ZDHHC20: variants seen among roughly 807,000 people sequenced by gnomAD.
ZDHHC20 encodes palmitoyltransferase ZDHHC20.
Under a neutral mutation model 57.8 loss-of-function variants are expected in ZDHHC20, and 43 were observed. That is an observed-to-expected ratio of 0.74 (90% CI 0.58 to 0.96). ZDHHC20 has a LOEUF of 0.96. ZDHHC20 is among the 40% of genes least tolerant of loss of function. ZDHHC20 has a pLI of 0.00. For missense variants in ZDHHC20, 391 were observed against 441.1 expected, an observed-to-expected ratio of 0.89 and a Z score of 1.02; for synonymous variants, 157 against 153.0, an observed-to-expected ratio of 1.03 and a Z score of -0.19.
rs148550166 is a variant in ZDHHC20 at position 21,423,535 on chromosome 13, G to A, written c.145+2117C>T. On this transcript the variant is annotated intron_variant, in intron 2 of 12. Transcript: ENST00000400590. ...TACCAATACAAAAAATTAGCTGGGC[G>A]TAGTGGTGCACACTTGTAATCTCAG... 8.8e-3 allele frequency among the ~76,000 whole-genome samples: 1,338 copies of A among 152,112 alleles called. 12 individuals are homozygous for A. The highest frequency in any genetic ancestry group is 0.024 in the African/African-American group (997 of 41,500).
At chr13:21,414,527 A>ATTTTTTTTTTTTTTTTTTTTTTTTTT (rs747307477) in intron 3 of ZDHHC20, among the ~76,000 whole-genome samples, 53 of 107,508 alleles carry the variant, frequency 4.9e-4, no homozygotes, top group Middle Eastern at 6.2e-3. Flanking sequence ...TGCCCGGATA[A>ATTTTTTTTTTTTTTTTTTTTTTTTTT]TTTTTTTTTT....
intron 1 of ZDHHC20, among the ~76,000 whole-genome samples, chr13:21,443,766 T>C (rs1883412350): frequency 6.6e-6 from 1 of 152,248 alleles, no homozygotes; most frequent in Non-Finnish European, 1.5e-5. Flanking sequence ...CCTGGGGTCC[T>C]TCAATATTGT....
chr13:21,435,470 CACAGAAACAAG>C (rs1345445477), intron 1 of ZDHHC20, among the ~76,000 whole-genome samples: 1 of 152,052 alleles, frequency 6.6e-6, no homozygotes, highest in Admixed American at 6.6e-5. Flanking sequence ...CATCAAAGCA[CACAGAAACAAG>C]ATGGAAACTG....
chr13:21,400,370 T>G lies in ZDHHC20; in HGVS notation c.594+3A>C, dbSNP rs773317034. On this transcript the variant is annotated splice_donor_region_variant and intron_variant, in intron 7 of 12. Transcript: ENST00000400590. The stretch of plus-strand genomic sequence containing the variant: ...ATGTTTCAAGATAGAAAAAAAGACT[T>G]ACCGTCCAAAATTTTATAAAGTACT... 6.3e-7 allele frequency: 1 copy of G among 1,579,312 alleles called. No individual in the cohort carries two copies. Among genetic ancestry groups the G allele is most frequent in the Non-Finnish European group, 8.5e-7 (1 of 1,170,778 alleles).
chr13:21,445,595 G>A (rs921894767), intron 1 of ZDHHC20, among the ~76,000 whole-genome samples: 2 of 152,080 alleles, frequency 1.3e-5, no homozygotes, highest in Non-Finnish European at 2.9e-5. Context: ...CAATAATACC[G>A]ATTATCAATA....
chr13:21,432,443 C>A (rs1043528327), intron 1 of ZDHHC20, among the ~76,000 whole-genome samples: 5 of 152,224 alleles, frequency 3.3e-5, no homozygotes, highest in African/African-American at 1.2e-4. Context: ...CATTCTCCTG[C>A]CTCAGCCTCC....
At chr13:21,413,862 C>T (rs1408972331) in intron 3 of ZDHHC20, 90 bp from the exon 4 acceptor site, 2 of 1,110,508 alleles carry the variant, frequency 1.8e-6, no homozygotes, top group East Asian at 2.6e-5. Context: ...AAAAAGAAAA[C>T]CAAAAACTAT....
At chr13:21,392,595 G>A (rs926623921) in intron 7 of ZDHHC20, among the ~76,000 whole-genome samples, 32 of 152,120 alleles carry the variant, frequency 2.1e-4, no homozygotes, top group African/African-American at 6.0e-4. Context: ...CCCTTCTTAT[G>A]GCTATATACA....
At position 21,391,812 on chromosome 13, in the gene ZDHHC20, G is replaced by C. The variant is rs764299110; in HGVS notation, c.637C>G (p.Leu213Val). ...DTRAKFHVLF[L>V]FFVSAMFFIS... is the part of the protein sequence containing the mutation. ...AAGAACATTGCAGACACAAAGAAAA[G>C]AAAAAGTACGTGGAATTTTGCACGT... Residue 213 changes from leucine (L) to valine (V), a missense_variant, in exon 8 of 13, where the codon CTT becomes GTT. Leu to Val is a conservative substitution (Grantham distance 32). This residue lies in a region of ZDHHC20 where 197 missense variants were observed against 220.8 expected (regional missense o/e 0.89). Coordinates refer to ENST00000400590, the MANE Select transcript of ZDHHC20 (RefSeq NM_001330059.2). 3.7e-6 allele frequency: 6 copies of C among 1,612,930 alleles called. No individual in the cohort carries two copies. Among genetic ancestry groups the C allele is most frequent in the Non-Finnish European group, 5.1e-6 (6 of 1,179,556 alleles).
chr13:21,382,933 C>T lies in ZDHHC20; in HGVS notation c.931G>A (p.Glu311Lys), dbSNP rs866768875. The change falls in exon 10 of 13, where the codon GAG becomes AAG. Residue 311 changes from glutamate to lysine, a missense_variant. Glu to Lys is a moderately conservative substitution (Grantham distance 56). Coordinates refer to ENST00000400590, the MANE Select transcript of ZDHHC20 (RefSeq NM_001330059.2). ...PEQASVTNQN[E>K]YARSSGSNQP... The stretch of plus-strand genomic sequence containing the variant: ...CAATAAGCATACCTTCTGGCATACT[C>T]ATTCTGGTTTGTAACAGAAGCTTGT... 5.1e-6 allele frequency: 8 copies of T among 1,559,556 alleles called. No homozygotes were observed. The highest frequency in any genetic ancestry group is 7.0e-6 in the Non-Finnish European group (8 of 1,150,880).
rs544955227 is a variant in ZDHHC20 at position 21,374,349 on chromosome 13, C to T, written c.*2347G>A. The T allele has an allele frequency of 1.0e-4, 46 of 449,330 alleles. No individual in the cohort carries two copies. Among genetic ancestry groups the T allele is most frequent in the South Asian group, 6.9e-4 (44 of 63,558 alleles). The allele number at this position is 449,330 out of a possible 1,614,324, so 27.8% of individuals were successfully genotyped here. A position where few individuals can be genotyped will look rare whatever the true frequency, so the allele number is the denominator to read the frequency against. On this transcript the variant is annotated 3_prime_UTR_variant, in exon 13 of 13. Coordinates refer to ENST00000400590, the MANE Select transcript of ZDHHC20 (RefSeq NM_001330059.2). The stretch of plus-strand genomic sequence containing the variant: ...AAGTGATTCTCCTGCCTCCACCTCC[C>T]GAGTAGTTGGGACTACAGGCGTGTG...
chr13:21,433,538 A>G (rs1206330658), intron 1 of ZDHHC20, among the ~76,000 whole-genome samples: 1 of 138,620 alleles, frequency 7.2e-6, no homozygotes, highest in East Asian at 2.4e-4. Context: ...AATGGCGTGA[A>G]CCCAGAAGGC....
In ZDHHC20 at chr13:21,372,933, T is replaced by C. The variant is rs144332210; in HGVS notation, c.*3763A>G. ...TTTTAATACAAGTACAATTCCTTGC[T>C]TCTTTATGCAACCTAACAAAATAAT... On this transcript the variant is annotated 3_prime_UTR_variant, in exon 13 of 13. Coordinates refer to ENST00000400590, the MANE Select transcript of ZDHHC20 (RefSeq NM_001330059.2). 1 of 152,326 alleles carries C rather than the reference T, an allele frequency of 6.6e-6. No individual in the cohort carries two copies. The highest frequency in any genetic ancestry group is 1.9e-4 in the East Asian group (1 of 5,196). The allele number at this position is 152,326 out of a possible 1,614,324, so 9.4% of individuals were successfully genotyped here.
chr13:21,391,636 A>G lies in ZDHHC20; in HGVS notation c.727+86T>C, dbSNP rs777732247. The G allele has an allele frequency of 2.7e-4, 373 of 1,398,136 alleles. 2 individuals are homozygous for G. Among genetic ancestry groups the G allele is most frequent in the Non-Finnish European group, 3.6e-4 (367 of 1,031,930 alleles). 86.6% of individuals were successfully genotyped at this position (1,398,136 alleles called of 1,614,324 possible). Reference sequence around the variant, plus strand: ...AGTCAGAATTGTCTTACACTTCTGTATCATCTGACCCTTGTTCTTCTCTAG... The same window carrying G: ...AGTCAGAATTGTCTTACACTTCTGTGTCATCTGACCCTTGTTCTTCTCTAG... On this transcript the variant is annotated intron_variant, in intron 8 of 12. Transcript: ENST00000400590.
intron 3 of ZDHHC20, among the ~76,000 whole-genome samples, chr13:21,414,354 A>T (rs1227797467): frequency 6.6e-6 from 1 of 150,586 alleles, no homozygotes; most frequent in East Asian, 2.0e-4. Context: ...AGTCCTTTAT[A>T]GACCTTTTTT....
chr13:21,442,591 C>A (rs1464494841), intron 1 of ZDHHC20, among the ~76,000 whole-genome samples: 1 of 152,018 alleles, frequency 6.6e-6, no homozygotes, highest in Non-Finnish European at 1.5e-5. Context: ...CCTGTCTCTA[C>A]TAAAAATACA....
In ZDHHC20 at chr13:21,400,484, G is replaced by C; in HGVS notation, c.483C>G (p.Asn161Lys). 6.4e-7 allele frequency: 1 copy of C among 1,551,180 alleles called. No homozygotes were observed. The highest frequency in any genetic ancestry group is 1.2e-5 in the South Asian group (1 of 81,146). ...KMDHHCPWVNNCVGFSNYKFF... is the reference protein window; with the variant it reads ...KMDHHCPWVNKCVGFSNYKFF... ...ATTTGTAATTAGAAAATCCCACACA[G>C]TTATTCACCCTGGAAAAATAAAGAA... Residue 161 changes from asparagine to lysine, a missense_variant, in exon 7 of 13, where the codon AAC becomes AAG. Physicochemically the swap from Asn to Lys is moderately conservative, Grantham distance 94 (BLOSUM62 0). This residue lies in a region of ZDHHC20 where 9 missense variants were observed against 32.2 expected (regional missense o/e 0.28). Transcript: ENST00000400590.
intron 1 of ZDHHC20, among the ~76,000 whole-genome samples, chr13:21,447,330 CCT>C (rs1883834123): frequency 6.6e-6 from 1 of 150,748 alleles, no homozygotes; most frequent in Admixed American, 6.6e-5. Flanking sequence ...CCACGGTCTC[CCT>C]CTCATGTGGA....
At chr13:21,384,712 T>C (rs1874135844) in intron 9 of ZDHHC20, among the ~76,000 whole-genome samples, 2 of 152,210 alleles carry the variant, frequency 1.3e-5, no homozygotes, top group South Asian at 4.1e-4. Flanking sequence ...TGGGGCGATC[T>C]CACTGAACAC....
Sources: gnomAD v4.1 joint callset for allele counts (sites outside exome capture counted in the v4.1 genomes callset) on GRCh38, gnomAD v4.1.1 for gene constraint, gnomAD v4.1.1 regional missense constraint, MANE v1.5 for transcripts, NCBI Gene and HGNC (gene_info 2026-07-23, HGNC 2026-07-21) for gene names.